DYNC2H1: variants seen among roughly 807,000 people sequenced by gnomAD.
The protein encoded by DYNC2H1 is cytoplasmic dynein 2 heavy chain 1.
In DYNC2H1, 410 loss-of-function variants were observed where a neutral mutation model predicts 570.0. That is an observed-to-expected ratio of 0.72 (90% CI 0.66 to 0.78). DYNC2H1 has a LOEUF of 0.78. Among genes scored for constraint, DYNC2H1 ranks in the 30% least tolerant of loss-of-function variants. The pLI, the probability that DYNC2H1 is intolerant of heterozygous loss-of-function variation, is 0.00. For synonymous variants in DYNC2H1, 1,688 were observed against 1,677.6 expected (o/e 1.01, Z -0.15); for missense variants, 4,865 against 5,046.4 (o/e 0.96, Z 1.09).
At chr11:103,212,543 AT>A (rs1863199191) in intron 54 of DYNC2H1, among the ~76,000 whole-genome samples, 1 of 152,140 alleles carries the variant, frequency 6.6e-6, no homozygotes. Context: ...TTAAGATTAT[AT>A]TTTATAAAGT....
intron 84 of DYNC2H1, among the ~76,000 whole-genome samples, chr11:103,400,189 A>G (rs4754930): frequency 0.56 from 85,466 of 152,020 alleles, 25,619 homozygotes; most frequent in African/African-American, 0.8. Flanking sequence ...TTTATATTCC[A>G]AGCTCCAAGT....
chr11:103,219,790 A>G (rs917325190), intron 55 of DYNC2H1, 125 bp from the exon 56 acceptor site: 4 of 579,620 alleles, frequency 6.9e-6, no homozygotes, highest in Non-Finnish European at 1.2e-5. Flanking sequence ...CTTGTCATAG[A>G]TTCAAAACTA....
chr11:103,298,675 A>G (rs1866932739), intron 75 of DYNC2H1, among the ~76,000 whole-genome samples: 1 of 152,146 alleles, frequency 6.6e-6, no homozygotes, highest in South Asian at 2.1e-4. Context: ...TATTTCAGGA[A>G]TAAGTTTTAA....
chr11:103,279,912 TA>T (rs1185745562), intron 70 of DYNC2H1, among the ~76,000 whole-genome samples: 1 of 152,204 alleles, frequency 6.6e-6, no homozygotes, highest in Admixed American at 6.5e-5. Flanking sequence ...TTTAGGAAAT[TA>T]ATCTATCTAG....
Position 103,399,856 on chromosome 11 carries a change from C to CT in DYNC2H1, c.12353dup (p.Leu4118PhefsTer40). On this transcript the variant is annotated frameshift_variant, in exon 84 of 89. Coordinates refer to ENST00000375735, the MANE Select transcript of DYNC2H1 (RefSeq NM_001377.3). LOFTEE classifies it high-confidence loss of function. ...TCAGAAGTACAAAAATTGGCAAGTGCTTTATTAAACCAAAAGGTAAGCGAG... is the reference window on the plus strand; with the variant it reads ...TCAGAAGTACAAAAATTGGCAAGTGCTTTTATTAAACCAAAAGGTAAGCGAG... The CT allele has an allele frequency of 6.2e-7, 1 of 1,613,500 alleles. No individual in the cohort carries two copies. The highest frequency in any genetic ancestry group is 8.5e-7 in the Non-Finnish European group (1 of 1,179,708).
At chr11:103,217,150 T>C (rs1405159414) in intron 55 of DYNC2H1, among the ~76,000 whole-genome samples, 1 of 152,168 alleles carries the variant, frequency 6.6e-6, no homozygotes, top group East Asian at 1.9e-4. Flanking sequence ...ATCAGACTAA[T>C]GTATATATCT....
chr11:103,291,862 T>A (rs2408581), intron 75 of DYNC2H1, among the ~76,000 whole-genome samples: 5 of 151,718 alleles, frequency 3.3e-5, no homozygotes, highest in Non-Finnish European at 5.9e-5. Flanking sequence ...TCTGATATAA[T>A]TATAGCTACT....
At position 103,239,798 on chromosome 11, in the gene DYNC2H1, C is replaced by T. The variant is rs908295753; in HGVS notation, c.9819+3259C>T. On this transcript the variant is annotated intron_variant, in intron 63 of 88. Transcript: ENST00000375735. This position sits in a 1 kb window ranked among gnomAD's most constrained non-coding sequence, Gnocchi z 4.3. Reference sequence around the variant, plus strand: ...CCCATTTATAAGTATTGAAAATAGACATAACATTATAGGGTGTACTAGGTG... The same window carrying T: ...CCCATTTATAAGTATTGAAAATAGATATAACATTATAGGGTGTACTAGGTG... 3.3e-5 allele frequency among the ~76,000 whole-genome samples: 5 copies of T among 152,102 alleles called. No individual in the cohort carries two copies. The highest frequency in any genetic ancestry group is 7.4e-5 in the Non-Finnish European group (5 of 68,014).
chr11:103,114,486 T>C (rs189506052), intron 3 of DYNC2H1, among the ~76,000 whole-genome samples: 1 of 152,294 alleles, frequency 6.6e-6, no homozygotes, highest in Non-Finnish European at 1.5e-5. Flanking sequence ...CGCTGGCTAA[T>C]TTATTTTAGT....
intron 85 of DYNC2H1, among the ~76,000 whole-genome samples, chr11:103,443,308 T>C (rs1294491773): frequency 6.6e-6 from 1 of 152,028 alleles, no homozygotes; most frequent in Admixed American, 6.6e-5. Context: ...AGCTTTACTT[T>C]GTTGTTAGCT....
At chr11:103,388,309 G>A (rs1233710351) in intron 83 of DYNC2H1, among the ~76,000 whole-genome samples, 2 of 152,116 alleles carry the variant, frequency 1.3e-5, no homozygotes, top group African/African-American at 4.8e-5. Context: ...CTGTTTGTCT[G>A]TTATTGGTGT....
Position 103,231,301 on chromosome 11 carries a change from A to G in DYNC2H1, c.9395A>G (p.Glu3132Gly), listed in dbSNP as rs747856482. 9 of 1,607,868 alleles carry G rather than the reference A, an allele frequency of 5.6e-6. No individual in the cohort carries two copies. Among genetic ancestry groups the G allele is most frequent in the Non-Finnish European group, 7.6e-6 (9 of 1,177,298 alleles). Residue 3132 changes from glutamate (E) to glycine (G), a missense_variant, in exon 60 of 89, where the codon GAG (glutamate) becomes GGG (glycine). Around this residue, in one of 5 missense-constraint regions of DYNC2H1, gnomAD observed 2,401 missense variants for 2,454.6 expected, o/e 0.98. Transcript: ENST00000375735. ...KTEDRKRKLE[E>G]LLNSVGQKVS... ...GAAGACAGAAAAAGGAAACTAGAGG[A>G]GCTTCTTAATTCTGTTGGTCAAAAG...
chr11:103,478,979 T>C, intron 88 of DYNC2H1, 116 bp from the exon 89 acceptor site: 1 of 1,206,568 alleles, frequency 8.3e-7, no homozygotes, highest in Non-Finnish European at 1.1e-6. Context: ...GGGTTCATCA[T>C]ATTAATTTGA....
rs373327850 is a variant in DYNC2H1 at position 103,120,739 on chromosome 11, G to A, written c.1185G>A (p.Ala395=). 1.1e-5 allele frequency: 17 copies of A among 1,603,206 alleles called. 1 individual carries two copies. Among genetic ancestry groups the A allele is most frequent in the South Asian group, 6.7e-5 (6 of 89,960 alleles). Residue 395 remains alanine (A), a synonymous_variant, in exon 8 of 89, where the codon GCG becomes GCA. Transcript: ENST00000375735. ...VSQYEKIIAP[A]EQKIAGKLKN... ...AATATGAAAAGATTATTGCACCTGC[G>A]GAACAAAAAATAGCAGGAAAATTGA... is the stretch of plus-strand genomic sequence containing the variant.
chr11:103,219,650 CT>C (rs1863513018), intron 55 of DYNC2H1, among the ~76,000 whole-genome samples: 2 of 152,026 alleles, frequency 1.3e-5, no homozygotes. Flanking sequence ...GTTTTTCTAT[CT>C]TGTTTAAATT....
At chr11:103,119,576 G>A (rs1399593384) in intron 6 of DYNC2H1, among the ~76,000 whole-genome samples, 2 of 152,140 alleles carry the variant, frequency 1.3e-5, no homozygotes, top group South Asian at 2.1e-4. Flanking sequence ...CTGACCTCAG[G>A]TCATCCGCCC....
intron 59 of DYNC2H1, among the ~76,000 whole-genome samples, chr11:103,224,763 C>A (rs1383416830): frequency 1.3e-5 from 2 of 152,162 alleles, no homozygotes; most frequent in Non-Finnish European, 2.9e-5. Context: ...TGGGTAGATA[C>A]CTAGTAGTAG....
At chr11:103,294,112 T>G (rs572131034) in intron 75 of DYNC2H1, among the ~76,000 whole-genome samples, 2 of 152,330 alleles carry the variant, frequency 1.3e-5, no homozygotes, top group South Asian at 4.1e-4. Context: ...ATTAATTCTC[T>G]GTGTTATCTT....
At chr11:103,136,549 A>G (rs1046732894) in intron 17 of DYNC2H1, among the ~76,000 whole-genome samples, 1 of 152,188 alleles carries the variant, frequency 6.6e-6, no homozygotes, top group Non-Finnish European at 1.5e-5. Context: ...TACAAAAGAC[A>G]TGAACTCATC....
Sources: allele counts gnomAD v4.1 joint callset (sites outside exome capture counted in the v4.1 genomes callset), GRCh38; gene constraint gnomAD v4.1.1; regional missense constraint gnomAD v4.1.1; non-coding constraint Gnocchi (gnomAD v3.1); transcripts MANE v1.5; gene names NCBI Gene and HGNC (gene_info 2026-07-23, HGNC 2026-07-21).